Variants in GALK2 observed in about 807,000 individuals in gnomAD.
GALK2 encodes the protein galactokinase 2.
GALK2 carries 36 observed loss-of-function variants against 52.4 expected under a neutral mutation model. The ratio of observed to expected loss-of-function variants is 0.69; its 90% CI spans 0.53 to 0.91. GALK2 has a LOEUF of 0.91. Among genes scored for constraint, GALK2 ranks in the 40% least tolerant of loss-of-function variants. GALK2 has a pLI of 0.00. For missense variants in GALK2, 579 were observed against 559.1 expected (o/e 1.04, Z -0.36); for synonymous variants, 176 against 199.1 (o/e 0.88, Z 0.98).
intron 5 of GALK2, among the ~76,000 whole-genome samples, chr15:49,264,405 T>C (rs1275699381): frequency 1.3e-5 from 2 of 152,210 alleles, no homozygotes; most frequent in Non-Finnish European, 2.9e-5. Flanking sequence ...TCTCGAGCCT[T>C]GGCTTTCAGC....
chr15:49,243,063 G>A (rs2091176336), intron 5 of GALK2, among the ~76,000 whole-genome samples: 1 of 152,160 alleles, frequency 6.6e-6, no homozygotes, highest in Admixed American at 6.5e-5. Context: ...AGTTGCAGAT[G>A]GAAAGGCAGC....
intron 8 of GALK2, among the ~76,000 whole-genome samples, chr15:49,307,735 A>G (rs1473044175): frequency 6.6e-6 from 1 of 152,210 alleles, no homozygotes; most frequent in Non-Finnish European, 1.5e-5. Context: ...AAATCTGAGA[A>G]AGGGAAGCCA....
At chr15:49,157,681 T>TGA (rs1428989736) in intron 1 of GALK2, among the ~76,000 whole-genome samples, 1 of 152,170 alleles carries the variant, frequency 6.6e-6, no homozygotes, top group African/African-American at 2.4e-5. Flanking sequence ...TGGATGTTAA[T>TGA]GCTAGTTGAG....
chr15:49,331,922 T>C (rs954901438), downstream of GALK2: 3 of 857,084 alleles, frequency 3.5e-6, no homozygotes, highest in South Asian at 2.8e-5. Flanking sequence ...ATAGCCAACA[T>C]TTATTAAGAA....
intron 7 of GALK2, among the ~76,000 whole-genome samples, chr15:49,284,907 A>T (rs2033168836): frequency 6.6e-6 from 1 of 152,002 alleles, no homozygotes; most frequent in African/African-American, 2.4e-5. Flanking sequence ...CTATTTCTCT[A>T]CTAAATCCTT....
intron 5 of GALK2, among the ~76,000 whole-genome samples, chr15:49,249,356 C>T (rs1302131233): frequency 1.3e-5 from 2 of 152,122 alleles, no homozygotes; most frequent in East Asian, 3.9e-4. Flanking sequence ...CCTCTGTGGC[C>T]AATTTGCTCT....
At chr15:49,226,386 C>A (rs1257747961) in intron 3 of GALK2, among the ~76,000 whole-genome samples, 3 of 152,118 alleles carry the variant, frequency 2.0e-5, no homozygotes, top group Non-Finnish European at 4.4e-5. Context: ...CTCTTTTCAG[C>A]CTCAGTGTCA....
chr15:49,305,141 A>G (rs1308142572), intron 8 of GALK2, among the ~76,000 whole-genome samples: 1 of 152,220 alleles, frequency 6.6e-6, no homozygotes, highest in Non-Finnish European at 1.5e-5. Context: ...GCTATTTTCT[A>G]CCTACTGTGC....
intron 1 of GALK2, among the ~76,000 whole-genome samples, chr15:49,190,043 T>C (rs1439243428): frequency 6.6e-6 from 1 of 152,174 alleles, no homozygotes; most frequent in African/African-American, 2.4e-5. Flanking sequence ...CCTCAGCCTT[T>C]CTATGTGTTT....
At chr15:49,276,904 G>GTTTTTTTTTTTTTTTTTTTTTGTT (rs34440691) in intron 5 of GALK2, among the ~76,000 whole-genome samples, 1 of 77,902 alleles carries the variant, frequency 1.3e-5, no homozygotes, top group Non-Finnish European at 2.5e-5. Context: ...AGAATCTGAG[G>GTTTTTTTTTTTTTTTTTTTTTGTT]TTTTTTTTTT....
intron 5 of GALK2, among the ~76,000 whole-genome samples, chr15:49,278,576 G>A (rs1219579482): frequency 6.6e-6 from 1 of 152,100 alleles, no homozygotes; most frequent in Non-Finnish European, 1.5e-5. Flanking sequence ...TTAGTTTCTT[G>A]GATCATTACA....
chr15:49,182,339 C>G (rs111376926), intron 1 of GALK2, among the ~76,000 whole-genome samples: 1,836 of 152,298 alleles, frequency 0.012, 35 homozygotes, highest in African/African-American at 0.042. Context: ...TTCTTTTTTA[C>G]GGCTGAGTAG....
chr15:49,193,240 C>T (rs559048298), intron 1 of GALK2, among the ~76,000 whole-genome samples: 2 of 152,180 alleles, frequency 1.3e-5, no homozygotes, highest in East Asian at 3.9e-4. Context: ...TCAGGCAGTC[C>T]ACTCGCCTTG....
intron 9 of GALK2, among the ~76,000 whole-genome samples, chr15:49,324,013 C>T (rs1567064310): frequency 6.6e-6 from 1 of 152,132 alleles, no homozygotes; most frequent in African/African-American, 2.4e-5. Flanking sequence ...GTAGAATTTA[C>T]TGGAGAACAC....
rs571074402 is a variant in GALK2, at chr15:49,240,244, A to G, written c.504+877A>G. On this transcript the variant is annotated intron_variant, in intron 5 of 9. Transcript: ENST00000560031. The stretch of plus-strand genomic sequence containing the variant: ...GGGAGGGAAAGGGGGCTTACATATT[A>G]TTATTATTTTTTGAGAAGAGAAGAA... Among the ~76,000 whole-genome samples, 110 of 152,246 alleles carry G rather than the reference A, an allele frequency of 7.2e-4. 1 individual carries two copies. The highest frequency in any genetic ancestry group is 2.0e-3 in the Admixed American group (31 of 15,300).
At chr15:49,367,338 C>A (rs2045375842) in intron 3 of GALK2, 7 of 977,062 alleles carry the variant, frequency 7.2e-6, no homozygotes, top group Admixed American at 2.9e-5. Context: ...TAAACAGAAG[C>A]ATTGATAAAA....
chr15:49,320,030 C>T (rs2036755758), intron 9 of GALK2, among the ~76,000 whole-genome samples: 1 of 152,068 alleles, frequency 6.6e-6, no homozygotes, highest in Non-Finnish European at 1.5e-5. Context: ...GGTTTGGAGT[C>T]AGTTTGGAGT....
upstream of GALK2, among the ~76,000 whole-genome samples, chr15:49,169,601 T>C (rs940190787): frequency 6.6e-6 from 1 of 152,144 alleles, no homozygotes; most frequent in Non-Finnish European, 1.5e-5. Flanking sequence ...AGGGATAGTG[T>C]ACTTTTGATA....
chr15:49,273,288 CTGT>C (rs571643746), intron 5 of GALK2, among the ~76,000 whole-genome samples: 77 of 152,244 alleles, frequency 5.1e-4, no homozygotes, highest in African/African-American at 1.7e-3. Flanking sequence ...AACCTCCTCA[CTGT>C]TGTTGTTTTT....
Sources: gnomAD v4.1 joint callset for allele counts (sites outside exome capture counted in the v4.1 genomes callset) on GRCh38, gnomAD v4.1.1 for gene constraint, MANE v1.5 for transcripts, NCBI Gene and HGNC (gene_info 2026-07-23, HGNC 2026-07-21) for gene names.